INTS15: variants seen among roughly 807,000 people sequenced by gnomAD.
INTS15 encodes uncharacterized protein C7orf26.
At chr7:6,607,891 C>G in the INTS15 span, 1 of 1,580,426 alleles carries the variant, frequency 6.3e-7, no homozygotes, top group Non-Finnish European at 8.5e-7. This position sits in a 1 kb window ranked among gnomAD's most constrained non-coding sequence, Gnocchi z 6.0. Flanking sequence ...GGGACGGGGT[C>G]AGCCTACCGT....
chr7:6,602,389 C>T, the INTS15 span: 2 of 497,770 alleles, frequency 4.0e-6, no homozygotes, highest in South Asian at 2.3e-5. Flanking sequence ...AGTGAAGGTG[C>T]ACCTGTTGAG....
At chr7:6,590,350 C>T in the INTS15 span, 1 of 1,605,582 alleles carries the variant, frequency 6.2e-7, no homozygotes, top group Non-Finnish European at 8.5e-7. Flanking sequence ...GGTGTTGTAC[C>T]ACCTGGACAT....
chr7:6,600,489 G>A, the INTS15 span: 1 of 972,456 alleles, frequency 1.0e-6, no homozygotes, highest in Non-Finnish European at 1.5e-6. Flanking sequence ...CACAGGGGAG[G>A]AAGGTGCCCC....
At chr7:6,608,416 G>A in the INTS15 span, 1 of 1,372,076 alleles carries the variant, frequency 7.3e-7, no homozygotes, top group Non-Finnish European at 9.4e-7. Context: ...TGCCGATCCT[G>A]GGAGCCTCTG....
the INTS15 span, chr7:6,591,651 G>A: frequency 1.2e-6 from 2 of 1,613,950 alleles, no homozygotes; most frequent in Middle Eastern, 1.6e-4. Context: ...TGCAGAGACT[G>A]AATTCCCTTC....
chr7:6,602,178 T>C, the INTS15 span: 2 of 1,583,370 alleles, frequency 1.3e-6, no homozygotes, highest in Middle Eastern at 1.7e-4. Context: ...GCCAGCTTGC[T>C]GGAGCAGGGT....
At chr7:6,590,534 C>G in the INTS15 span, 1 of 1,482,868 alleles carries the variant, frequency 6.7e-7, no homozygotes, top group Non-Finnish European at 9.0e-7. Flanking sequence ...GGCCTTTTCC[C>G]CAGCGATGCA....
At chr7:6,590,605 C>T in the INTS15 span, 2 of 1,393,404 alleles carry the variant, frequency 1.4e-6, no homozygotes, top group African/African-American at 1.5e-5. Flanking sequence ...CTCGGCCTCG[C>T]TCCTGCAGCA....
At chr7:6,590,831 T>C in the INTS15 span, among the ~76,000 whole-genome samples, 8 of 152,198 alleles carry the variant, frequency 5.3e-5, no homozygotes, top group Non-Finnish European at 1.0e-4. Flanking sequence ...TTCTTTTTTT[T>C]TTCTTTCTCT....
chr7:6,602,626 G>T, the INTS15 span: 2 of 466,118 alleles, frequency 4.3e-6, no homozygotes, highest in Non-Finnish European at 9.0e-6. Context: ...AGCTTACCCC[G>T]TTGTAAAATG....
the INTS15 span, among the ~76,000 whole-genome samples, chr7:6,606,189 AG>A: frequency 1.3e-5 from 2 of 152,318 alleles, no homozygotes; most frequent in South Asian, 4.1e-4. Context: ...TTACTTACCC[AG>A]GGTTATTTAA....
At chr7:6,598,277 C>T in the INTS15 span, among the ~76,000 whole-genome samples, 1 of 152,202 alleles carries the variant, frequency 6.6e-6, no homozygotes, top group East Asian at 1.9e-4. Context: ...GGAGACCAGC[C>T]TGGCCAACAT....
the INTS15 span, chr7:6,608,359 A>C: frequency 7.0e-7 from 1 of 1,422,582 alleles, no homozygotes; most frequent in Non-Finnish European, 9.2e-7. Flanking sequence ...TGGTGGAGGG[A>C]AGAGTCCAGC....
the INTS15 span, chr7:6,590,469 G>T: frequency 6.3e-7 from 1 of 1,587,178 alleles, no homozygotes; most frequent in South Asian, 1.1e-5. Context: ...GCAGCGCGCA[G>T]CCCAAGGTGC....
At chr7:6,596,727 G>A in the INTS15 span, among the ~76,000 whole-genome samples, 2 of 151,930 alleles carry the variant, frequency 1.3e-5, no homozygotes, top group African/African-American at 2.4e-5. Context: ...GAAAGTTTGT[G>A]TGGAAATATT....
chr7:6,600,450 C>A, the INTS15 span: 1 of 1,292,904 alleles, frequency 7.7e-7, no homozygotes, highest in Non-Finnish European at 1.0e-6. Flanking sequence ...GTTTTTGCTT[C>A]ATTTAGGACT....
At chr7:6,590,074 C>A in the INTS15 span, 1 of 314,574 alleles carries the variant, frequency 3.2e-6, no homozygotes, top group Non-Finnish European at 5.6e-6. Context: ...CCTGGCGGCG[C>A]CGCAGTCGGA....
At chr7:6,591,984 C>T in the INTS15 span, 1 of 823,224 alleles carries the variant, frequency 1.2e-6, no homozygotes, top group Non-Finnish European at 1.9e-6. Flanking sequence ...CCAGCCTGAC[C>T]AACATGGCGA....
chr7:6,600,314 C>T, the INTS15 span: 1 of 1,613,904 alleles, frequency 6.2e-7, no homozygotes. Context: ...GGCGCAGGCT[C>T]TGCAGGTGGC....
Sources: gnomAD v4.1 joint callset for allele counts (sites outside exome capture counted in the v4.1 genomes callset) on GRCh38, gnomAD v4.1.1 for gene constraint, Gnocchi (gnomAD v3.1) non-coding constraint, MANE v1.5 for transcripts, NCBI Gene and HGNC (gene_info 2026-07-23, HGNC 2026-07-21) for gene names.